XKR4: variants seen among roughly 807,000 people sequenced by gnomAD.
The protein encoded by XKR4 is XK related 4, also known as XK-related protein 4.
XKR4 carries 12 observed loss-of-function variants against 53.9 expected under a neutral mutation model. That is an observed-to-expected ratio of 0.22 (90% CI 0.14 to 0.36). The LOEUF (loss-of-function observed/expected upper bound fraction) is 0.36, where lower values mean the gene tolerates loss of function less well. XKR4 is among the 10% of genes least tolerant of loss of function. The pLI, the probability that XKR4 is intolerant of heterozygous loss-of-function variation, is 1.00. For synonymous variants in XKR4, 354 were observed against 362.4 expected (o/e 0.98, Z 0.26); for missense variants, 799 against 859.5 (o/e 0.93, Z 0.88).
At chr8:55,464,781 A>C (rs572271838) in intron 2 of XKR4, among the ~76,000 whole-genome samples, 1 of 152,222 alleles carries the variant, frequency 6.6e-6, no homozygotes, top group African/African-American at 2.4e-5. Flanking sequence ...AAGCAACTTC[A>C]GCAAAGTCTC....
At chr8:55,255,632 T>C (rs1002851308) in intron 1 of XKR4, among the ~76,000 whole-genome samples, 4 of 152,140 alleles carry the variant, frequency 2.6e-5, no homozygotes, top group Non-Finnish European at 5.9e-5. Flanking sequence ...ATAATAATTA[T>C]ATTTATATAT....
At chr8:55,437,261 G>C (rs1010611697) in intron 2 of XKR4, among the ~76,000 whole-genome samples, 3 of 151,822 alleles carry the variant, frequency 2.0e-5, no homozygotes, top group Admixed American at 6.6e-5. Context: ...TCGAACTCCT[G>C]ACCTCAAGTC....
At chr8:55,183,132 G>C (rs1421554947) in intron 1 of XKR4, among the ~76,000 whole-genome samples, 1 of 151,818 alleles carries the variant, frequency 6.6e-6, no homozygotes, top group Non-Finnish European at 1.5e-5. Flanking sequence ...AGTAATTTCT[G>C]ATTAGAGTTT....
chr8:55,329,709 C>T (rs1803354950), intron 1 of XKR4, among the ~76,000 whole-genome samples: 1 of 152,088 alleles, frequency 6.6e-6, no homozygotes, highest in Admixed American at 6.5e-5. Context: ...TTCCAAGTTC[C>T]ATATGTTATA....
chr8:55,165,176 G>T (rs73598809), intron 1 of XKR4, among the ~76,000 whole-genome samples: 11,188 of 152,130 alleles, frequency 0.074, 710 homozygotes, highest in African/African-American at 0.17. Flanking sequence ...GTCTTTACTG[G>T]AATTAGAATG....
chr8:55,119,811 T>C (rs1256019551), intron 1 of XKR4, among the ~76,000 whole-genome samples: 1 of 152,218 alleles, frequency 6.6e-6, no homozygotes, highest in Non-Finnish European at 1.5e-5. Context: ...AGTGAAAGCA[T>C]TTAAGTGGGC....
chr8:55,464,786 AG>A (rs1192228516), intron 2 of XKR4, among the ~76,000 whole-genome samples: 1 of 152,202 alleles, frequency 6.6e-6, no homozygotes, highest in Non-Finnish European at 1.5e-5. Context: ...ACTTCAGCAA[AG>A]TCTCAGGATA....
chr8:55,244,279 C>G (rs981775583), intron 1 of XKR4, among the ~76,000 whole-genome samples: 5 of 152,170 alleles, frequency 3.3e-5, no homozygotes, highest in African/African-American at 1.2e-4. Context: ...TACGTGTACT[C>G]AATGTTTAGC....
intron 2 of XKR4, among the ~76,000 whole-genome samples, chr8:55,369,588 A>G (rs1804043789): frequency 6.6e-6 from 1 of 151,254 alleles, no homozygotes; most frequent in Admixed American, 6.6e-5. Context: ...GAGGGAGGGA[A>G]AGAGAATAAA....
intron 1 of XKR4, among the ~76,000 whole-genome samples, chr8:55,271,770 C>T (rs1305560324): frequency 6.6e-6 from 1 of 152,210 alleles, no homozygotes; most frequent in African/African-American, 2.4e-5. Flanking sequence ...CTCAGGGACA[C>T]AGTCAGTTAT....
intron 2 of XKR4, among the ~76,000 whole-genome samples, chr8:55,517,956 T>C (rs1209480092): frequency 6.6e-6 from 1 of 152,236 alleles, no homozygotes; most frequent in Non-Finnish European, 1.5e-5. Context: ...TGCAATTTGG[T>C]TGTGAATGTG....
rs367863692 is a variant in XKR4, at chr8:55,483,872, AAAATGAAATG to A, written c.1007-39395_1007-39386del. ...TGTAAGTGAAAACAGAAAAATAGAG[AAAATGAAATG>A]AAATGAAATGAAAATGAAAAGCTGG... On this transcript the variant is annotated intron_variant, in intron 2 of 2. Transcript: ENST00000327381. Among the ~76,000 whole-genome samples, 11 of 152,280 alleles carry A rather than the reference AAAATGAAATG, an allele frequency of 7.2e-5. No homozygotes were observed. In the South Asian group the frequency reaches 8.3e-4, roughly 11 times the overall value.
chr8:55,181,546 A>G (rs1428940084), intron 1 of XKR4, among the ~76,000 whole-genome samples: 2 of 152,130 alleles, frequency 1.3e-5, no homozygotes, highest in Non-Finnish European at 2.9e-5. Flanking sequence ...TTTGATAGAC[A>G]TTCGTGGAGC....
chr8:55,494,286 C>A (rs999548777), intron 2 of XKR4, among the ~76,000 whole-genome samples: 1 of 152,226 alleles, frequency 6.6e-6, no homozygotes, highest in Middle Eastern at 3.2e-3. Context: ...CTTGGAGATG[C>A]CAGGAACCAC....
At chr8:55,133,739 A>C (rs1354010865) in intron 1 of XKR4, among the ~76,000 whole-genome samples, 1 of 152,264 alleles carries the variant, frequency 6.6e-6, no homozygotes, top group Non-Finnish European at 1.5e-5. Flanking sequence ...TTGATACATA[A>C]TGAAGGATAT....
At chr8:55,154,137 T>C (rs1158895821) in intron 1 of XKR4, among the ~76,000 whole-genome samples, 1 of 152,194 alleles carries the variant, frequency 6.6e-6, no homozygotes, top group Non-Finnish European at 1.5e-5. Flanking sequence ...TAGGGAAGAT[T>C]AGTAGCATTT....
At chr8:55,144,472 G>A (rs903895779) in intron 1 of XKR4, among the ~76,000 whole-genome samples, 1 of 152,096 alleles carries the variant, frequency 6.6e-6, no homozygotes, top group African/African-American at 2.4e-5. Context: ...AGAGCCGTCT[G>A]CAGCTATTCA....
intron 2 of XKR4, among the ~76,000 whole-genome samples, chr8:55,500,832 G>A (rs888449611): frequency 7.2e-5 from 11 of 152,258 alleles, no homozygotes; most frequent in Non-Finnish European, 1.3e-4. Context: ...TGCATGCCAC[G>A]GAGCTATAGG....
At chr8:55,394,497 T>C (rs1785919266) in intron 2 of XKR4, among the ~76,000 whole-genome samples, 1 of 152,238 alleles carries the variant, frequency 6.6e-6, no homozygotes, top group South Asian at 2.1e-4. Flanking sequence ...TAATAAGACA[T>C]GGTTTTGACT....
Sources: allele counts gnomAD v4.1 joint callset (sites outside exome capture counted in the v4.1 genomes callset), GRCh38; gene constraint gnomAD v4.1.1; transcripts MANE v1.5; gene names NCBI Gene and HGNC (gene_info 2026-07-23, HGNC 2026-07-21).